Variants in MYZAP observed in about 807,000 individuals in gnomAD.
MYZAP encodes GRINL1A complex locus upstream.
MYZAP carries 66 observed loss-of-function variants against 69.4 expected under a neutral mutation model. The ratio of observed to expected loss-of-function variants is 0.95; its 90% CI spans 0.78 to 1.17. The LOEUF (loss-of-function observed/expected upper bound fraction) is 1.17, where lower values mean the gene tolerates loss of function less well. MYZAP is among the 50% of genes most tolerant of loss of function. The pLI is 0.00. For synonymous variants in MYZAP, 256 were observed against 205.9 expected, an observed-to-expected ratio of 1.24 and a Z score of -2.09; for missense variants, 611 against 556.2, an observed-to-expected ratio of 1.10 and a Z score of -0.99.
At chr15:57,620,431 G>T (rs1166649296) in intron 3 of MYZAP, among the ~76,000 whole-genome samples, 1 of 152,168 alleles carries the variant, frequency 6.6e-6, no homozygotes, top group Non-Finnish European at 1.5e-5. Context: ...GAGACTTCCT[G>T]CCCTATTTGA....
At chr15:57,682,233 G>C (rs1391979195) in intron 12 of MYZAP, among the ~76,000 whole-genome samples, 2 of 152,126 alleles carry the variant, frequency 1.3e-5, no homozygotes, top group Non-Finnish European at 2.9e-5. Context: ...ACATAAAAGG[G>C]AAGAGAGAGA....
intron 12 of MYZAP, 141 bp from the exon 13 acceptor site, chr15:57,684,261 T>G: frequency 1.6e-6 from 1 of 626,394 alleles, no homozygotes; most frequent in Non-Finnish European, 2.8e-6. Flanking sequence ...TTGTAATATT[T>G]AAGTGAAATA....
chr15:57,618,641 A>G (rs2035624835), intron 3 of MYZAP, among the ~76,000 whole-genome samples: 2 of 152,244 alleles, frequency 1.3e-5, no homozygotes, highest in Admixed American at 6.5e-5. Context: ...CCTTGTATTT[A>G]GTAGTTTATT....
At position 57,684,482 on chromosome 15, in the gene MYZAP, A is replaced by G. The variant is rs1437370281; in HGVS notation, c.1385A>G (p.Lys462Arg). The G allele has an allele frequency of 1.2e-6, 2 of 1,611,290 alleles. No homozygotes were observed. Among genetic ancestry groups the G allele is most frequent in the South Asian group, 2.2e-5 (2 of 90,750 alleles). Residue 462 changes from lysine to arginine, a missense_variant, in exon 13 of 13, where the codon AAG becomes AGG. By Grantham distance (26) the Lys-to-Arg change is conservative (BLOSUM62 2). Coordinates refer to ENST00000267853, the MANE Select transcript of MYZAP (RefSeq NM_001018100.5). ...ACAAGAGTCCTGGAGTTAACCATGAAGAAAACTCTGACTTAGGCACTCAGA... is the reference window on the plus strand; with the variant it reads ...ACAAGAGTCCTGGAGTTAACCATGAGGAAAACTCTGACTTAGGCACTCAGA... ...PYTRVLELTMKKTLT is the reference protein window; with the variant it reads ...PYTRVLELTMRKTLT
chr15:57,677,648 G>A (rs1337507837), intron 12 of MYZAP, among the ~76,000 whole-genome samples: 1 of 152,184 alleles, frequency 6.6e-6, no homozygotes, highest in Non-Finnish European at 1.5e-5. Context: ...ACCAATACAA[G>A]CATTGAATTA....
chr15:57,593,369 A>C (rs2033850803), intron 1 of MYZAP, among the ~76,000 whole-genome samples: 2 of 152,146 alleles, frequency 1.3e-5, no homozygotes. Flanking sequence ...TTTTCTATGG[A>C]AATCTTTCTC....
chr15:57,663,666 C>G (rs1324296368), intron 11 of MYZAP, among the ~76,000 whole-genome samples: 1 of 152,134 alleles, frequency 6.6e-6, no homozygotes, highest in East Asian at 1.9e-4. Context: ...CTAGCCTGCC[C>G]TCGGCAGAGC....
At chr15:57,615,066 C>A (rs951556560) in intron 2 of MYZAP, among the ~76,000 whole-genome samples, 1 of 152,096 alleles carries the variant, frequency 6.6e-6, no homozygotes, top group African/African-American at 2.4e-5. Context: ...TGCTCCCCAG[C>A]GGGTAGAGTC....
intron 4 of MYZAP, among the ~76,000 whole-genome samples, chr15:57,622,036 A>G (rs1279295371): frequency 6.6e-6 from 1 of 152,216 alleles, no homozygotes; most frequent in African/African-American, 2.4e-5. Flanking sequence ...GCATAGGTAG[A>G]TGTAAAACTA....
In MYZAP at chr15:57,661,187, A is replaced by G. The variant is rs1420757351; in HGVS notation, c.1120-263A>G. Among the ~76,000 whole-genome samples, 6 of 152,230 alleles carry G rather than the reference A, an allele frequency of 3.9e-5. No individual in the cohort carries two copies. The South Asian group carries it at 6.2e-4, about 16-fold the overall frequency. On this transcript the variant is annotated intron_variant, in intron 10 of 12. Coordinates refer to ENST00000267853, the MANE Select transcript of MYZAP (RefSeq NM_001018100.5). ...ATCAAAGCTGAGGAGCTGTGACTCC[A>G]GAATCATGTCTGCTGCCCCAAGCTC...
At chr15:57,647,685 C>T in intron 10 of MYZAP, 2 of 985,384 alleles carry the variant, frequency 2.0e-6, no homozygotes, top group South Asian at 9.4e-5. Flanking sequence ...TCCTAGAGTA[C>T]TGCATAGCCT....
chr15:57,678,174 C>A (rs1260083383), intron 12 of MYZAP, among the ~76,000 whole-genome samples: 1 of 151,994 alleles, frequency 6.6e-6, no homozygotes, highest in African/African-American at 2.4e-5. Flanking sequence ...TCAGCCTGGG[C>A]AACTTGATGA....
At chr15:57,675,965 G>T (rs1427629312) in intron 12 of MYZAP, among the ~76,000 whole-genome samples, 1 of 152,136 alleles carries the variant, frequency 6.6e-6, no homozygotes, top group Non-Finnish European at 1.5e-5. Flanking sequence ...GGACATAGTA[G>T]TCTAGAAAAA....
At chr15:57,677,425 T>C (rs1170181760) in intron 12 of MYZAP, among the ~76,000 whole-genome samples, 1 of 152,202 alleles carries the variant, frequency 6.6e-6, no homozygotes, top group East Asian at 1.9e-4. Context: ...GGAAGCCACA[T>C]AGCCAGAATT....
intron 10 of MYZAP, among the ~76,000 whole-genome samples, chr15:57,650,152 C>T (rs552713980): frequency 1.4e-4 from 21 of 152,230 alleles, no homozygotes; most frequent in African/African-American, 1.9e-4. Flanking sequence ...ATAGCATTGC[C>T]GTACTGATTT....
chr15:57,661,371 G>A (rs1461206523), intron 10 of MYZAP, 79 bp from the exon 11 acceptor site: 45 of 1,001,982 alleles, frequency 4.5e-5, no homozygotes, highest in Non-Finnish European at 6.3e-5. Flanking sequence ...AAAACCAAGG[G>A]CATCTATTCC....
intron 12 of MYZAP, among the ~76,000 whole-genome samples, chr15:57,677,466 T>C (rs1324997416): frequency 6.6e-6 from 1 of 152,210 alleles, no homozygotes; most frequent in East Asian, 1.9e-4. Flanking sequence ...CTTGGTGCAG[T>C]ACATGTGTAG....
Position 57,647,845 on chromosome 15 carries a change from T to C in MYZAP, c.1119+8300T>C, listed in dbSNP as rs1410900341. The C allele has an allele frequency of 1.0e-5, 10 of 985,262 alleles. No homozygotes were observed. In the African/African-American group the frequency reaches 1.7e-4, roughly 17 times the overall value. The allele number at this position is 985,262 out of a possible 1,614,324, so 61.0% of individuals were successfully genotyped here. On this transcript the variant is annotated intron_variant, in intron 10 of 12. Coordinates refer to ENST00000267853, the MANE Select transcript of MYZAP (RefSeq NM_001018100.5). The stretch of plus-strand genomic sequence containing the variant: ...TCTTGTCTGCCTTTGCTGATGCCCC[T>C]CAATTCACCTCTTTCCTGCCTGTAC...
chr15:57,643,909 T>C (rs1170570401), intron 10 of MYZAP, among the ~76,000 whole-genome samples: 1 of 152,248 alleles, frequency 6.6e-6, no homozygotes. Context: ...TTCTTTAGAC[T>C]TCTTTTGCTG....
Sources: gnomAD v4.1 joint callset for allele counts (sites outside exome capture counted in the v4.1 genomes callset) on GRCh38, gnomAD v4.1.1 for gene constraint, MANE v1.5 for transcripts, NCBI Gene and HGNC (gene_info 2026-07-23, HGNC 2026-07-21) for gene names.